TMTC2: variants seen among roughly 807,000 people sequenced by gnomAD.
TMTC2 encodes protein O-mannosyl-transferase TMTC2.
In TMTC2, 43 loss-of-function variants were observed where a neutral mutation model predicts 82.4. That is an observed-to-expected ratio of 0.52 (90% CI 0.41 to 0.67). The LOEUF is 0.67. Ranked by LOEUF, TMTC2 falls within the 30% of genes least tolerant of loss-of-function variation. The pLI is 0.00. For missense variants in TMTC2, 919 were observed against 1,012.4 expected (o/e 0.91, Z 1.25); for synonymous variants, 408 against 381.9 (o/e 1.07, Z -0.80).
chr12:82,723,903 C>T (rs927383871), intron 1 of TMTC2, among the ~76,000 whole-genome samples: 1 of 152,188 alleles, frequency 6.6e-6, no homozygotes, highest in African/African-American at 2.4e-5. Context: ...ACCTGAGTTC[C>T]AGCCCCACTT....
intron 1 of TMTC2, among the ~76,000 whole-genome samples, chr12:82,696,524 T>G (rs963004819): frequency 5.9e-5 from 9 of 152,256 alleles, no homozygotes; most frequent in Admixed American, 5.2e-4. Context: ...AATATCTATT[T>G]GAAATACCCA....
intron 3 of TMTC2, among the ~76,000 whole-genome samples, chr12:82,906,332 AT>A (rs2137200314): frequency 6.6e-6 from 1 of 152,188 alleles, no homozygotes; most frequent in Admixed American, 6.5e-5. Context: ...GAAGATAAAA[AT>A]TTTTCAACAG....
intron 11 of TMTC2, among the ~76,000 whole-genome samples, chr12:83,077,440 A>G (rs1430487434): frequency 2.6e-5 from 4 of 152,164 alleles, no homozygotes; most frequent in Non-Finnish European, 5.9e-5. Context: ...CAAACCTACC[A>G]TAAAACACAC....
intron 8 of TMTC2, among the ~76,000 whole-genome samples, chr12:82,993,512 C>T (rs536174627): frequency 4.0e-5 from 6 of 151,874 alleles, no homozygotes; most frequent in South Asian, 2.1e-4. Context: ...ATAAAATATA[C>T]GTAGATACTA....
intron 1 of TMTC2, among the ~76,000 whole-genome samples, chr12:82,852,186 C>T (rs1871012141): frequency 6.6e-6 from 1 of 151,280 alleles, no homozygotes; most frequent in African/African-American, 2.4e-5. Context: ...AGTGCAAGCT[C>T]CGCCTCCCGG....
At chr12:82,780,725 C>G (rs1311867462) in intron 1 of TMTC2, among the ~76,000 whole-genome samples, 1 of 151,752 alleles carries the variant, frequency 6.6e-6, no homozygotes, top group Non-Finnish European at 1.5e-5. Flanking sequence ...TTTGTATTCT[C>G]AGAGGCAAAT....
intron 2 of TMTC2, among the ~76,000 whole-genome samples, chr12:82,877,733 T>G (rs1265296090): frequency 6.6e-6 from 1 of 152,224 alleles, no homozygotes; most frequent in Non-Finnish European, 1.5e-5. Context: ...ATTTAAAATA[T>G]ATTTGAAATT....
At position 83,132,476 on chromosome 12, in the gene TMTC2, C is replaced by A. The variant is rs1323019502; in HGVS notation, c.*87C>A. The A allele has an allele frequency of 3.4e-6, 5 of 1,472,312 alleles. No homozygotes were observed. In the African/African-American group the frequency reaches 4.3e-5, roughly 13 times the overall value. 91.2% of individuals were successfully genotyped at this position (1,472,312 alleles called of 1,614,324 possible). On this transcript the variant is annotated 3_prime_UTR_variant, in exon 12 of 12. Coordinates refer to ENST00000321196, the MANE Select transcript of TMTC2 (RefSeq NM_152588.3). ...CTTCCCAGCAGTGCTATGACAAGAG[C>A]TGGTGTTAGACTTCAAGACCAGGGC...
At chr12:83,069,600 G>A (rs754593225) in intron 11 of TMTC2, among the ~76,000 whole-genome samples, 1 of 152,088 alleles carries the variant, frequency 6.6e-6, no homozygotes, top group Non-Finnish European at 1.5e-5. Flanking sequence ...TTAGTCCCTG[G>A]CGAGATGTAT....
At chr12:83,023,269 C>A (rs551919276) in intron 8 of TMTC2, among the ~76,000 whole-genome samples, 1 of 152,090 alleles carries the variant, frequency 6.6e-6, no homozygotes, top group African/African-American at 2.4e-5. Flanking sequence ...TTAGGTAAAC[C>A]GAATACATGT....
intron 1 of TMTC2, among the ~76,000 whole-genome samples, chr12:82,754,668 C>T (rs1029125562): frequency 3.3e-5 from 5 of 152,014 alleles, no homozygotes; most frequent in Non-Finnish European, 7.4e-5. Context: ...ACCTGTGAGG[C>T]AGAGTTTGCA....
In TMTC2 at chr12:83,104,295, G is replaced by A. The variant is rs530483471; in HGVS notation, c.2332-27915G>A. On this transcript the variant is annotated intron_variant, in intron 11 of 11. Transcript: ENST00000321196. ...CCATAGCTCCACTAGGCAGTGCCCC[G>A]TGGGGGGTTCTATGTGGCGGCTCCA... 5.9e-5 allele frequency among the ~76,000 whole-genome samples: 9 copies of A among 152,300 alleles called. No homozygotes were observed. In the South Asian group the frequency reaches 1.2e-3, roughly 21 times the overall value.
chr12:83,098,971 G>A (rs1351041525), intron 11 of TMTC2, among the ~76,000 whole-genome samples: 1 of 152,152 alleles, frequency 6.6e-6, no homozygotes, highest in Non-Finnish European at 1.5e-5. Context: ...AATATCCACT[G>A]AGGAGACTCT....
chr12:82,963,792 CATATATAT>C (rs58960088), intron 4 of TMTC2, among the ~76,000 whole-genome samples: 6,217 of 52,906 alleles, frequency 0.12, 1,974 homozygotes, highest in East Asian at 0.2. Context: ...TCCAGATTTT[CATATATAT>C]ATATATATAT....
In TMTC2 at chr12:82,767,771, TTTC is replaced by T. The variant is rs1331172432; in HGVS notation, c.83+80108_83+80110del. On this transcript the variant is annotated intron_variant, in intron 1 of 11. Coordinates refer to ENST00000321196, the MANE Select transcript of TMTC2 (RefSeq NM_152588.3). ...TTTCTACGATTGGTTCTATTGTTTA[TTTC>T]TTCTTACGAAAATTGAAATTCTGCT... Among the ~76,000 whole-genome samples, 6 of 152,198 alleles carry T rather than the reference TTTC, an allele frequency of 3.9e-5. 1 individual carries two copies. Among genetic ancestry groups the T allele is most frequent in the East Asian group, 3.9e-4 (2 of 5,188 alleles).
chr12:82,690,452 T>C, intron 1 of TMTC2: 1 of 948,606 alleles, frequency 1.1e-6, no homozygotes, highest in Non-Finnish European at 1.3e-6. Context: ...TCATTTCTTT[T>C]AAATATAGTG....
chr12:82,998,517 C>T (rs1483025326), intron 8 of TMTC2, among the ~76,000 whole-genome samples: 1 of 152,046 alleles, frequency 6.6e-6, no homozygotes, highest in Non-Finnish European at 1.5e-5. Context: ...AGGAAATTGA[C>T]TTTATTAATT....
intron 3 of TMTC2, among the ~76,000 whole-genome samples, chr12:82,908,118 C>T (rs1216578284): frequency 1.3e-5 from 2 of 151,946 alleles, no homozygotes; most frequent in Non-Finnish European, 2.9e-5. Context: ...CAAAACAGAA[C>T]AAAAACAAAA....
At chr12:82,755,688 T>G (rs919393302) in intron 1 of TMTC2, among the ~76,000 whole-genome samples, 4 of 152,174 alleles carry the variant, frequency 2.6e-5, no homozygotes, top group African/African-American at 9.7e-5. Context: ...GCCAGTGAAC[T>G]CTTCTGCTTT....
Sources: allele counts gnomAD v4.1 joint callset (sites outside exome capture counted in the v4.1 genomes callset), GRCh38; gene constraint gnomAD v4.1.1; transcripts MANE v1.5; gene names NCBI Gene and HGNC (gene_info 2026-07-23, HGNC 2026-07-21).